The following GPR141 variants were observed in gnomAD, a reference collection of about 807,000 sequenced individuals.
GPR141 encodes the protein G protein-coupled receptor 141.
A neutral mutation model predicts 6.8 loss-of-function variants in GPR141; 6 were observed. That is an observed-to-expected ratio of 0.88 (90% CI 0.48 to 1.74). The LOEUF is 1.74. Among genes scored for constraint, GPR141 ranks in the 40% most tolerant of loss-of-function variants. The pLI, the probability that GPR141 is intolerant of heterozygous loss-of-function variation, is 0.01. For missense variants in GPR141, 372 were observed against 372.9 expected (o/e 1.00, Z 0.02); for synonymous variants, 140 against 142.3 (o/e 0.98, Z 0.11).
chr7:37,689,314 G>A (rs1020140883), intron 2 of GPR141, among the ~76,000 whole-genome samples: 3 of 151,956 alleles, frequency 2.0e-5, no homozygotes, highest in African/African-American at 4.8e-5. Context: ...GAGGATTTTT[G>A]CATCTGTGCT....
In GPR141 at chr7:37,686,408, A is replaced by G. The variant is rs138128061; in HGVS notation, c.-15+825A>G. On this transcript the variant is annotated intron_variant, in intron 2 of 2. Coordinates refer to ENST00000334425, the MANE Select transcript of GPR141 (RefSeq NM_001381946.1). ...TCAAAGCTAGTTCATACGTTATACCAAAGTATTTTCCAAATTATGTTATTG... is the reference window on the plus strand; with the variant it reads ...TCAAAGCTAGTTCATACGTTATACCGAAGTATTTTCCAAATTATGTTATTG... 5.8e-3 allele frequency among the ~76,000 whole-genome samples: 888 copies of G among 152,306 alleles called. 14 individuals carry two copies. The highest frequency in any genetic ancestry group is 0.02 in the African/African-American group (826 of 41,572).
chr7:37,738,490 G>A (rs776689038), intron 2 of GPR141, among the ~76,000 whole-genome samples: 13 of 152,108 alleles, frequency 8.5e-5, no homozygotes, highest in Non-Finnish European at 1.8e-4. Context: ...TAAAAGGCAA[G>A]TAGAGAGATT....
At chr7:37,738,755 C>G (rs976663174) in intron 2 of GPR141, among the ~76,000 whole-genome samples, 1 of 151,900 alleles carries the variant, frequency 6.6e-6, no homozygotes, top group African/African-American at 2.4e-5. Flanking sequence ...ACAATGGTAA[C>G]CAACATGATA....
chr7:37,684,692 A>G (rs1373242148), intron 1 of GPR141, among the ~76,000 whole-genome samples: 1 of 152,186 alleles, frequency 6.6e-6, no homozygotes, highest in African/African-American at 2.4e-5. Context: ...TCTTTTACAA[A>G]TTTGTTATAT....
At chr7:37,727,109 A>G (rs981828791) in intron 2 of GPR141, among the ~76,000 whole-genome samples, 4 of 152,190 alleles carry the variant, frequency 2.6e-5, no homozygotes, top group African/African-American at 9.6e-5. Flanking sequence ...TGGATATGCT[A>G]ATTTGTTCTT....
chr7:37,719,072 C>G lies in GPR141; in HGVS notation c.-14-21308C>G, dbSNP rs377244439. On this transcript the variant is annotated intron_variant, in intron 2 of 2. Coordinates refer to ENST00000334425, the MANE Select transcript of GPR141 (RefSeq NM_001381946.1). ...GACGATTTCAGCTTTCTCCTGTGACCTGGGAAAGCTGTGATGTGGAGCATG... is the reference window on the plus strand; with the variant it reads ...GACGATTTCAGCTTTCTCCTGTGACGTGGGAAAGCTGTGATGTGGAGCATG... 7.2e-5 allele frequency among the ~76,000 whole-genome samples: 11 copies of G among 152,298 alleles called. No individual in the cohort carries two copies. The East Asian group carries it at 1.4e-3, about 19-fold the overall frequency.
chr7:37,737,547 G>T (rs1347664286), intron 2 of GPR141, among the ~76,000 whole-genome samples: 1 of 151,854 alleles, frequency 6.6e-6, no homozygotes, highest in African/African-American at 2.4e-5. Flanking sequence ...ACACAAATTT[G>T]TAAACTGTCT....
intron 2 of GPR141, among the ~76,000 whole-genome samples, chr7:37,693,710 C>T (rs529022011): frequency 6.6e-6 from 1 of 152,244 alleles, no homozygotes; most frequent in East Asian, 1.9e-4. Context: ...AGCAGCACAA[C>T]AATGACTCTA....
At chr7:37,689,844 C>T (rs980489473) in intron 2 of GPR141, among the ~76,000 whole-genome samples, 1 of 150,834 alleles carries the variant, frequency 6.6e-6, no homozygotes, top group Admixed American at 6.6e-5. Flanking sequence ...TATTTTCAAA[C>T]AGTTAAGTTT....
chr7:37,728,720 G>A (rs568799290), intron 2 of GPR141, among the ~76,000 whole-genome samples: 17 of 152,098 alleles, frequency 1.1e-4, no homozygotes, highest in African/African-American at 3.6e-4. Flanking sequence ...CAGGCCTCAG[G>A]AAGACCTGAG....
rs1812648554 is a variant in GPR141 at position 37,743,072 on chromosome 7, C to T, written c.*1761C>T. 6.6e-6 allele frequency among the ~76,000 whole-genome samples: 1 copy of T among 151,932 alleles called. No individual in the cohort carries two copies. Among genetic ancestry groups the T allele is most frequent in the Non-Finnish European group, 1.5e-5 (1 of 67,962 alleles). On this transcript the variant is annotated 3_prime_UTR_variant, in exon 3 of 3. Coordinates refer to ENST00000334425, the MANE Select transcript of GPR141 (RefSeq NM_001381946.1). ...ACTTCCAGTGTCTTCAGTGTTTTAT[C>T]TTAAAATTTTCCCAGGATCTGATCC...
intron 2 of GPR141, chr7:37,709,645 A>G (rs917577597): frequency 6.6e-6 from 1 of 152,234 alleles, no homozygotes; most frequent in Non-Finnish European, 1.5e-5. Flanking sequence ...CCAATTTTAT[A>G]GATTAAAAGA....
chr7:37,726,741 A>T (rs1483650311), intron 2 of GPR141, among the ~76,000 whole-genome samples: 2 of 152,214 alleles, frequency 1.3e-5, no homozygotes, highest in East Asian at 3.8e-4. Flanking sequence ...AACCACATAC[A>T]ATGGTCAAGA....
intron 2 of GPR141, among the ~76,000 whole-genome samples, chr7:37,701,463 G>C (rs113849157): frequency 2.0e-5 from 3 of 152,114 alleles, no homozygotes; most frequent in Non-Finnish European, 4.4e-5. Flanking sequence ...CACTTCCTAT[G>C]CAGACTTGCC....
At chr7:37,702,866 A>C (rs1256749465) in intron 2 of GPR141, among the ~76,000 whole-genome samples, 1 of 150,832 alleles carries the variant, frequency 6.6e-6, no homozygotes. Flanking sequence ...GTCATATAAT[A>C]TTGTTGCCTA....
chr7:37,709,575 C>A (rs1810694044), intron 2 of GPR141: 1 of 152,228 alleles, frequency 6.6e-6, no homozygotes, highest in African/African-American at 2.4e-5. Flanking sequence ...AAGCTCAGCT[C>A]TAATGAGCAA....
chr7:37,685,364 T>TCCTGCCTACCTG (rs1414453125), intron 1 of GPR141, 96 bp from the exon 2 acceptor site: 2 of 145,358 alleles, frequency 1.4e-5, no homozygotes, highest in African/African-American at 5.3e-5. Flanking sequence ...CCTCCTTCCT[T>TCCTGCCTACCTG]CCTGCCTGCC....
At position 37,740,887 on chromosome 7, in the gene GPR141, A is replaced by AC. The variant is rs746060426; in HGVS notation, c.495dup (p.Cys166LeufsTer3). 1.9e-6 allele frequency: 3 copies of AC among 1,614,140 alleles called. No individual in the cohort carries two copies. Among genetic ancestry groups the AC allele is most frequent in the African/African-American group, 2.7e-5 (2 of 75,056 alleles). ...ATCCATGAGGAATACAATGAGGAGC[A>AC]CTGTTTTAAATTTCACAAAGAGCTT... On this transcript the variant is annotated frameshift_variant, in exon 3 of 3. Coordinates refer to ENST00000334425, the MANE Select transcript of GPR141 (RefSeq NM_001381946.1). LOFTEE classifies it low-confidence loss of function (END_TRUNC).
intron 2 of GPR141, among the ~76,000 whole-genome samples, chr7:37,729,698 C>T (rs1182685232): frequency 6.6e-6 from 1 of 152,172 alleles, no homozygotes; most frequent in Non-Finnish European, 1.5e-5. Flanking sequence ...AAAGAAAATG[C>T]AGTCTGTGTT....
Sources: allele counts gnomAD v4.1 joint callset (sites outside exome capture counted in the v4.1 genomes callset), GRCh38; gene constraint gnomAD v4.1.1; transcripts MANE v1.5; gene names NCBI Gene and HGNC (gene_info 2026-07-23, HGNC 2026-07-21).